The following ST6GALNAC5 variants were observed in gnomAD, a reference collection of about 807,000 sequenced individuals.
The protein encoded by ST6GALNAC5 is alpha-N-acetylgalactosaminide alpha-2,6-sialyltransferase 5.
ST6GALNAC5 carries 27 observed loss-of-function variants against 33.6 expected under a neutral mutation model. The ratio of observed to expected loss-of-function variants is 0.80; its 90% CI spans 0.59 to 1.11. ST6GALNAC5 has a LOEUF of 1.11. Among genes scored for constraint, ST6GALNAC5 ranks in the 50% least tolerant of loss-of-function variants. The probability of loss-of-function intolerance (pLI) is 0.00; values close to 1 mark genes in which losing one functional copy is unlikely to be tolerated. For missense variants in ST6GALNAC5, 428 were observed against 454.0 expected, an observed-to-expected ratio of 0.94 and a Z score of 0.52; for synonymous variants, 194 against 171.2, an observed-to-expected ratio of 1.13 and a Z score of -1.04.
intron 2 of ST6GALNAC5, among the ~76,000 whole-genome samples, chr1:77,000,957 A>T (rs1179164561): frequency 6.6e-6 from 1 of 151,486 alleles, no homozygotes; most frequent in African/African-American, 2.4e-5. Flanking sequence ...TTGGCTTAGG[A>T]TTGCCTTGGC....
intron 2 of ST6GALNAC5, among the ~76,000 whole-genome samples, chr1:76,897,606 A>T (rs1032084724): frequency 2.0e-5 from 3 of 151,736 alleles, no homozygotes; most frequent in African/African-American, 7.3e-5. Flanking sequence ...GGTATCTTAT[A>T]CTTGTGGGTT....
At chr1:77,034,944 G>A (rs987699863) in intron 2 of ST6GALNAC5, among the ~76,000 whole-genome samples, 8 of 152,128 alleles carry the variant, frequency 5.3e-5, no homozygotes, top group South Asian at 2.1e-4. Context: ...GCTACCTTTC[G>A]TGTATGGTTT....
chr1:76,902,475 T>C (rs1646826943), intron 2 of ST6GALNAC5, among the ~76,000 whole-genome samples: 1 of 152,168 alleles, frequency 6.6e-6, no homozygotes. Context: ...GTACAATCTC[T>C]GTTGCAACTG....
chr1:76,895,988 G>A (rs1001523749), intron 2 of ST6GALNAC5, among the ~76,000 whole-genome samples: 5 of 152,196 alleles, frequency 3.3e-5, no homozygotes, highest in Non-Finnish European at 7.4e-5. Flanking sequence ...GGTGTGGTGT[G>A]TTTTTAAAAG....
In ST6GALNAC5 at chr1:76,994,708, A is replaced by G. The variant is rs1649858217; in HGVS notation, c.262-49496A>G. Among the ~76,000 whole-genome samples the G allele has an allele frequency of 3.3e-5, 5 of 152,230 alleles. No homozygotes were observed. The South Asian group carries it at 1.0e-3, about 31-fold the overall frequency. On this transcript the variant is annotated intron_variant, in intron 2 of 4. Coordinates refer to ENST00000477717, the MANE Select transcript of ST6GALNAC5 (RefSeq NM_030965.3). ...GAATATCTCCATACTGCCCCAGACC[A>G]CAGCAATAATTTTCTGCAATGTCAA... is the stretch of plus-strand genomic sequence containing the variant.
rs138765985 is a variant in ST6GALNAC5, at chr1:76,868,756, C to T, written c.261+14C>T. 918 of 1,477,144 alleles carry T rather than the reference C, an allele frequency of 6.2e-4. 7 individuals are homozygous for T. The African/African-American group carries it at 0.012, about 19-fold the overall frequency. 91.5% of individuals were successfully genotyped at this position (1,477,144 alleles called of 1,614,324 possible). On this transcript the variant is annotated intron_variant, in intron 2 of 4. Coordinates refer to ENST00000477717, the MANE Select transcript of ST6GALNAC5 (RefSeq NM_030965.3). The surrounding 1 kb of genome is among the most constrained non-coding windows in gnomAD (Gnocchi z 4.3). ...GCGGACCACAAGGTGACAGCATGCC[C>T]GCCAGCCCGCTCGCCACTCAGCCTG... is the stretch of plus-strand genomic sequence containing the variant.
At chr1:76,943,734 G>A (rs1647414372) in intron 2 of ST6GALNAC5, among the ~76,000 whole-genome samples, 1 of 152,052 alleles carries the variant, frequency 6.6e-6, no homozygotes, top group Admixed American at 6.5e-5. Flanking sequence ...AGGTACAAGT[G>A]ACATGAAAGT....
intron 2 of ST6GALNAC5, among the ~76,000 whole-genome samples, chr1:76,964,657 G>A (rs1287205162): frequency 6.6e-6 from 1 of 152,018 alleles, no homozygotes; most frequent in Non-Finnish European, 1.5e-5. Context: ...TGTGCACAAT[G>A]TGCAGGTTTG....
rs1652724271 is a variant in ST6GALNAC5, at chr1:77,064,905, A to G, written c.*1699A>G. The G allele has an allele frequency of 6.6e-6, 1 of 152,186 alleles. No individual in the cohort carries two copies. The highest frequency in any genetic ancestry group is 1.9e-4 in the East Asian group (1 of 5,194). The allele number at this position is 152,186 out of a possible 1,614,324, so 9.4% of individuals were successfully genotyped here. Reference sequence around the variant, plus strand: ...TACACTAACTAGTACTATTAATTACACGGAGTATTGTTGTTAAAATGCAAA... The same window carrying G: ...TACACTAACTAGTACTATTAATTACGCGGAGTATTGTTGTTAAAATGCAAA... On this transcript the variant is annotated 3_prime_UTR_variant, in exon 5 of 5. Coordinates refer to ENST00000477717, the MANE Select transcript of ST6GALNAC5 (RefSeq NM_030965.3).
At chr1:76,945,444 G>A (rs1201087744) in intron 2 of ST6GALNAC5, among the ~76,000 whole-genome samples, 2 of 151,994 alleles carry the variant, frequency 1.3e-5, no homozygotes, top group Admixed American at 6.6e-5. Context: ...ATGAACCAAA[G>A]TCATAAATCA....
chr1:76,974,773 C>CTTTTTTTTTTTTTTTTTTTT (rs60357939), intron 2 of ST6GALNAC5, among the ~76,000 whole-genome samples: 3 of 35,246 alleles, frequency 8.5e-5, no homozygotes, highest in African/African-American at 1.3e-4. Flanking sequence ...TTCTTTCTTT[C>CTTTTTTTTTTTTTTTTTTTT]TTTTTTTTTT....
At chr1:76,964,676 G>T (rs768509809) in intron 2 of ST6GALNAC5, among the ~76,000 whole-genome samples, 18 of 152,092 alleles carry the variant, frequency 1.2e-4, no homozygotes, top group Non-Finnish European at 2.2e-4. Flanking sequence ...TGTTACACAG[G>T]TATACATGTG....
chr1:76,914,401 G>T (rs1646946811), intron 2 of ST6GALNAC5, among the ~76,000 whole-genome samples: 1 of 152,112 alleles, frequency 6.6e-6, no homozygotes, highest in South Asian at 2.1e-4. Flanking sequence ...TAAGCCAAAA[G>T]AACAAAGCTG....
chr1:77,014,151 G>T (rs1650739420), intron 2 of ST6GALNAC5, among the ~76,000 whole-genome samples: 1 of 152,168 alleles, frequency 6.6e-6, no homozygotes, highest in Admixed American at 6.5e-5. Flanking sequence ...TTTCATAATT[G>T]ATATGTTGCA....
At chr1:77,012,019 G>A (rs915995225) in intron 2 of ST6GALNAC5, among the ~76,000 whole-genome samples, 4 of 152,164 alleles carry the variant, frequency 2.6e-5, no homozygotes, top group African/African-American at 7.2e-5. Context: ...AGGTTCCATA[G>A]CGGTCAAGTG....
chr1:77,042,638 C>A (rs534502741), intron 2 of ST6GALNAC5, among the ~76,000 whole-genome samples: 17 of 152,332 alleles, frequency 1.1e-4, no homozygotes, highest in South Asian at 2.1e-4. Context: ...GAGCAAAAGG[C>A]TCCGCACTGA....
intron 2 of ST6GALNAC5, among the ~76,000 whole-genome samples, chr1:76,911,975 T>A (rs1012695816): frequency 3.0e-4 from 45 of 152,184 alleles, no homozygotes; most frequent in Non-Finnish European, 4.7e-4. Flanking sequence ...AGCTTTTGAA[T>A]GTGTTCGCCC....
In ST6GALNAC5 at chr1:76,960,959, C is replaced by T. The variant is rs116049455; in HGVS notation, c.262-83245C>T. Reference sequence around the variant, plus strand: ...GGCGACATACATCCCCCTCATCTTACGAAGATGATGGGATTAAGAGATTGA... The same window carrying T: ...GGCGACATACATCCCCCTCATCTTATGAAGATGATGGGATTAAGAGATTGA... On this transcript the variant is annotated intron_variant, in intron 2 of 4. Coordinates refer to ENST00000477717, the MANE Select transcript of ST6GALNAC5 (RefSeq NM_030965.3). 6.4e-3 allele frequency among the ~76,000 whole-genome samples: 977 copies of T among 152,092 alleles called. 9 individuals carry two copies. Among genetic ancestry groups the T allele is most frequent in the African/African-American group, 0.023 (935 of 41,474 alleles).
At chr1:76,895,510 A>G (rs1041874774) in intron 2 of ST6GALNAC5, among the ~76,000 whole-genome samples, 17 of 152,362 alleles carry the variant, frequency 1.1e-4, no homozygotes, top group African/African-American at 4.1e-4. Flanking sequence ...TAAATGGAAT[A>G]ACAGAAGGAG....
Sources: gnomAD v4.1 joint callset for allele counts (sites outside exome capture counted in the v4.1 genomes callset) on GRCh38, gnomAD v4.1.1 for gene constraint, Gnocchi (gnomAD v3.1) non-coding constraint, MANE v1.5 for transcripts, NCBI Gene and HGNC (gene_info 2026-07-23, HGNC 2026-07-21) for gene names.